EFL1: variants seen among roughly 807,000 people sequenced by gnomAD.
EFL1 encodes elongation factor-like GTPase 1.
EFL1 carries 76 observed loss-of-function variants against 126.7 expected under a neutral mutation model. That is an observed-to-expected ratio of 0.60 (90% CI 0.50 to 0.73). The LOEUF (loss-of-function observed/expected upper bound fraction) is 0.73, where lower values mean the gene tolerates loss of function less well. Ranked by LOEUF, EFL1 falls within the 30% of genes least tolerant of loss-of-function variation. The pLI is 0.00. For synonymous variants in EFL1, 410 were observed against 448.4 expected, an observed-to-expected ratio of 0.91 and a Z score of 1.08; for missense variants, 1,128 against 1,343.2, an observed-to-expected ratio of 0.84 and a Z score of 2.50.
intron 15 of EFL1, among the ~76,000 whole-genome samples, chr15:82,203,090 C>T (rs1423354322): frequency 1.3e-5 from 2 of 152,064 alleles, no homozygotes; most frequent in Non-Finnish European, 2.9e-5. Context: ...GGATTACAGG[C>T]GTGACCCACC....
intron 18 of EFL1, among the ~76,000 whole-genome samples, chr15:82,145,323 T>TAAAAAAAAAAAAAAAAAAAAAAAA (rs2073833028): frequency 7.5e-6 from 1 of 133,094 alleles, no homozygotes. Context: ...AAAAAAAAAG[T>TAAAAAAAAAAAAAAAAAAAAAAAA]AAACAGGGAC....
intron 15 of EFL1, among the ~76,000 whole-genome samples, chr15:82,201,223 C>T (rs1239747450): frequency 5.3e-5 from 8 of 152,242 alleles, no homozygotes. Flanking sequence ...ACATTGAACA[C>T]TCAAGAGATC....
chr15:82,235,973 G>A (rs1415875993), intron 7 of EFL1, among the ~76,000 whole-genome samples: 1 of 152,040 alleles, frequency 6.6e-6, no homozygotes, highest in African/African-American at 2.4e-5. Flanking sequence ...AGTGAGTTCA[G>A]CAAGGTGACA....
chr15:82,255,148 G>C (rs2075056279), intron 3 of EFL1, among the ~76,000 whole-genome samples: 1 of 152,208 alleles, frequency 6.6e-6, no homozygotes, highest in South Asian at 2.1e-4. Context: ...TGCGTTTCTT[G>C]ATCCATAACC....
At chr15:82,243,701 T>C (rs1222717253) in intron 4 of EFL1, among the ~76,000 whole-genome samples, 1 of 77,970 alleles carries the variant, frequency 1.3e-5, no homozygotes, top group Non-Finnish European at 2.6e-5. Flanking sequence ...TTACCTTTTA[T>C]TGGAGTTACA....
At chr15:82,262,226 A>ATTCTCGCTCG (rs1321411966) in intron 1 of EFL1, 1 of 156,160 alleles carries the variant, frequency 6.4e-6, no homozygotes, top group East Asian at 1.9e-4. Context: ...TCATTCTGAC[A>ATTCTCGCTCG]TTCTCGCTCG....
At chr15:82,236,954 A>C (rs2074879038) in intron 7 of EFL1, among the ~76,000 whole-genome samples, 1 of 152,220 alleles carries the variant, frequency 6.6e-6, no homozygotes, top group South Asian at 2.1e-4. Flanking sequence ...AGCCTGGACA[A>C]CATGGTGAAA....
At chr15:82,203,581 G>A (rs2074493664) in intron 15 of EFL1, among the ~76,000 whole-genome samples, 1 of 152,056 alleles carries the variant, frequency 6.6e-6, no homozygotes. Context: ...CATCATGTTG[G>A]CCAGGCTGGT....
Position 82,185,269 on chromosome 15 carries a change from A to C in EFL1, c.1751-21285T>G, listed in dbSNP as rs551163019. On this transcript the variant is annotated intron_variant, in intron 15 of 19. Coordinates refer to ENST00000268206, the MANE Select transcript of EFL1 (RefSeq NM_024580.6). ...TGGGTCACCTACTTTCAAAACTAAC[A>C]AATTAAAGTTAAAATTGTATCTCTA... Among the ~76,000 whole-genome samples, 5 of 152,170 alleles carry C rather than the reference A, an allele frequency of 3.3e-5. No individual in the cohort carries two copies. The South Asian group carries it at 8.3e-4, about 25-fold the overall frequency.
At chr15:82,197,572 C>T (rs955756940) in intron 15 of EFL1, among the ~76,000 whole-genome samples, 1 of 152,178 alleles carries the variant, frequency 6.6e-6, no homozygotes, top group Non-Finnish European at 1.5e-5. Context: ...GCTCACTAAA[C>T]AGCATATATT....
Position 82,230,976 on chromosome 15 carries a change from A to G in EFL1, c.732-5T>C. ...ATTCTGGCGAAGTGCTCAATTCTGA[A>G]AGAAGACCAAATGTTCATGTTATTA... On this transcript the variant is annotated splice_polypyrimidine_tract_variant and splice_region_variant and intron_variant, in intron 7 of 19. Transcript: ENST00000268206. The G allele has an allele frequency of 6.2e-7, 1 of 1,609,474 alleles. No homozygotes were observed. Among genetic ancestry groups the G allele is most frequent in the Non-Finnish European group, 8.5e-7 (1 of 1,178,416 alleles).
chr15:82,222,428 T>C (rs1425580132), intron 12 of EFL1, among the ~76,000 whole-genome samples: 3 of 152,226 alleles, frequency 2.0e-5, no homozygotes. Flanking sequence ...CTTATGTAAA[T>C]GTGATTTCAC....
intron 15 of EFL1, among the ~76,000 whole-genome samples, chr15:82,188,212 C>A (rs2074321851): frequency 6.6e-6 from 1 of 152,038 alleles, no homozygotes; most frequent in South Asian, 2.1e-4. Context: ...TCACATGGTT[C>A]CTGCAAACAG....
At chr15:82,258,341 T>C (rs2075083930) in intron 3 of EFL1, among the ~76,000 whole-genome samples, 1 of 152,128 alleles carries the variant, frequency 6.6e-6, no homozygotes, top group African/African-American at 2.4e-5. Context: ...GGAGGATTGC[T>C]TGAGCCCAGG....
At chr15:82,168,409 C>A (rs1265567510) in intron 15 of EFL1, among the ~76,000 whole-genome samples, 1 of 152,180 alleles carries the variant, frequency 6.6e-6, no homozygotes, top group Non-Finnish European at 1.5e-5. Context: ...CCTTTAACTT[C>A]TTGGTGTTAT....
chr15:82,212,143 A>C lies in EFL1; in HGVS notation c.1750+2574T>G, dbSNP rs189570197. The stretch of plus-strand genomic sequence containing the variant: ...GAAACTTCAATTCTGTTTGTATTTT[A>C]CCAAAAAAATTACAAATACAATTTT... On this transcript the variant is annotated intron_variant, in intron 15 of 19. Coordinates refer to ENST00000268206, the MANE Select transcript of EFL1 (RefSeq NM_024580.6). Among the ~76,000 whole-genome samples the C allele has an allele frequency of 6.6e-3, 1,006 of 152,328 alleles. 11 individuals are homozygous for C. The highest frequency in any genetic ancestry group is 0.023 in the African/African-American group (941 of 41,580).
In EFL1 at chr15:82,262,711, G is replaced by T; in HGVS notation, c.-117C>A. The stretch of plus-strand genomic sequence containing the variant: ...AGAGCTCTGCGGGTCCGACACGCCC[G>T]CGCGCCAGGGGGCGGGGCCGGCTGT... On this transcript the variant is annotated 5_prime_UTR_variant, in exon 1 of 20. Transcript: ENST00000268206. 2 of 756,274 alleles carry T rather than the reference G, an allele frequency of 2.6e-6. No individual in the cohort carries two copies. Among genetic ancestry groups the T allele is most frequent in the Non-Finnish European group, 4.1e-6 (2 of 490,480 alleles). 46.8% of individuals were successfully genotyped at this position (756,274 alleles called of 1,614,324 possible). A position where few individuals can be genotyped will look rare whatever the true frequency, so the allele number is the denominator to read the frequency against.
intron 11 of EFL1, 127 bp downstream of exon 11, chr15:82,227,323 T>A (rs2074774190): frequency 7.1e-7 from 1 of 1,401,686 alleles, no homozygotes. Context: ...AAACTGTTCA[T>A]CTGTGGAAGT....
intron 10 of EFL1, among the ~76,000 whole-genome samples, chr15:82,227,815 A>C (rs2074780430): frequency 1.3e-5 from 2 of 152,236 alleles, no homozygotes; most frequent in Admixed American, 6.5e-5. Context: ...AGGCCCATGA[A>C]ACAAATGAGA....
Sources: allele counts gnomAD v4.1 joint callset (sites outside exome capture counted in the v4.1 genomes callset), GRCh38; gene constraint gnomAD v4.1.1; transcripts MANE v1.5; gene names NCBI Gene and HGNC (gene_info 2026-07-23, HGNC 2026-07-21).